CDR2L: variants seen among roughly 807,000 people sequenced by gnomAD.
The protein encoded by CDR2L is cerebellar degeneration-related protein 2-like.
Under a neutral mutation model 36.1 loss-of-function variants are expected in CDR2L, and 19 were observed. The ratio of observed to expected loss-of-function variants is 0.53; its 90% CI spans 0.37 to 0.77. CDR2L has a LOEUF of 0.77. CDR2L is among the 30% of genes least tolerant of loss of function. The pLI, the probability that CDR2L is intolerant of heterozygous loss-of-function variation, is 0.00. For synonymous variants in CDR2L, 285 were observed against 280.4 expected, an observed-to-expected ratio of 1.02 and a Z score of -0.16; for missense variants, 575 against 627.2, an observed-to-expected ratio of 0.92 and a Z score of 0.89.
intron 1 of CDR2L, among the ~76,000 whole-genome samples, chr17:74,997,076 CTTTCTTTCTTT>C (rs1567974346): frequency 6.0e-4 from 2 of 3,352 alleles, no homozygotes; most frequent in African/African-American, 7.8e-4. Context: ...TTCTTTCTTT[CTTTCTTTCTTT>C]TTTTTTTTTG....
Position 74,989,899 on chromosome 17 carries a change from G to A in CDR2L, c.79+1777G>A, listed in dbSNP as rs1223254550. 1.3e-5 allele frequency among the ~76,000 whole-genome samples: 2 copies of A among 152,072 alleles called. No individual in the cohort carries two copies. Among genetic ancestry groups the A allele is most frequent in the Admixed American group, 6.5e-5 (1 of 15,272 alleles). On this transcript the variant is annotated intron_variant, in intron 1 of 4. Coordinates refer to ENST00000337231, the MANE Select transcript of CDR2L (RefSeq NM_014603.3). This position sits in a 1 kb window ranked among gnomAD's most constrained non-coding sequence, Gnocchi z 4.2. ...GATGATCCACCCGCCTTGGCCTCCC[G>A]AAGTGCTGGGATTACAGGCGTGAGC... is the stretch of plus-strand genomic sequence containing the variant.
rs568603480 is a variant in CDR2L at position 75,000,589 on chromosome 17, C to T, written c.193-752C>T. On this transcript the variant is annotated intron_variant, in intron 2 of 4. Coordinates refer to ENST00000337231, the MANE Select transcript of CDR2L (RefSeq NM_014603.3). ...CTGAGATTACAGGTGTGAGCCATCA[C>T]GCCGGGCATAAAAAAGATTTTAGAA... Among the ~76,000 whole-genome samples, 8 of 140,658 alleles carry T rather than the reference C, an allele frequency of 5.7e-5. No individual in the cohort carries two copies. The South Asian group carries it at 1.9e-3, about 34-fold the overall frequency. The allele number at this position is 140,658 out of a possible 152,430, so 92.3% of individuals were successfully genotyped here. A position where few individuals can be genotyped will look rare whatever the true frequency, so the allele number is the denominator to read the frequency against.
Position 74,988,230 on chromosome 17 carries a change from G to C in CDR2L, c.79+108G>C. 4.0e-6 allele frequency: 3 copies of C among 752,486 alleles called. No individual in the cohort carries two copies. In the South Asian group the frequency reaches 7.2e-5, roughly 18 times the overall value. The allele number at this position is 752,486 out of a possible 1,614,324, so 46.6% of individuals were successfully genotyped here. A position where few individuals can be genotyped will look rare whatever the true frequency, so the allele number is the denominator to read the frequency against. On this transcript the variant is annotated intron_variant, in intron 1 of 4. Transcript: ENST00000337231. ...CCCGGGAGGGGCTGGGCTGGACCGG[G>C]CGCGCCCGACTCGGAGGAGGGACGC...
Position 75,004,109 on chromosome 17 carries a change from AGCCGTGGGGTCCCTCAG to A in CDR2L, c.*39_*55del, listed in dbSNP as rs550959979. 250 of 1,554,970 alleles carry A rather than the reference AGCCGTGGGGTCCCTCAG, an allele frequency of 1.6e-4. 6 individuals are homozygous for A. In the South Asian group the frequency reaches 2.0e-3, roughly 12 times the overall value. Reference sequence around the variant, plus strand: ...GGCCTGCAGCCTCCCCCAGGGTGGAAGCCGTGGGGTCCCTCAGGCCTGGGCGGTGCAGCTTCCAGAGA... The same window carrying A: ...GGCCTGCAGCCTCCCCCAGGGTGGAAGCCTGGGCGGTGCAGCTTCCAGAGA... On this transcript the variant is annotated 3_prime_UTR_variant, in exon 5 of 5. Transcript: ENST00000337231.
intron 2 of CDR2L, 75 bp from the exon 3 acceptor site, chr17:75,001,266 A>AAGG: frequency 8.7e-7 from 1 of 1,150,692 alleles, no homozygotes; most frequent in South Asian, 1.9e-5. Flanking sequence ...ACAAAAAAAG[A>AAGG]AGTAGGAGGG....
At chr17:74,999,450 C>G in intron 1 of CDR2L, 54 bp from the exon 2 acceptor site, 1 of 1,250,680 alleles carries the variant, frequency 8.0e-7, no homozygotes, top group African/African-American at 1.5e-5. Flanking sequence ...ATGCTCGGAA[C>G]ATGAATGGGC....
intron 1 of CDR2L, among the ~76,000 whole-genome samples, chr17:74,991,541 C>A (rs1218626494): frequency 6.6e-6 from 1 of 151,582 alleles, no homozygotes; most frequent in East Asian, 1.9e-4. Context: ...CACAGTGAAA[C>A]CCCGTCTCTA....
intron 1 of CDR2L, among the ~76,000 whole-genome samples, chr17:74,990,827 G>A (rs566626913): frequency 3.9e-5 from 6 of 152,234 alleles, no homozygotes; most frequent in Non-Finnish European, 5.9e-5. Context: ...GGGTGTCAAA[G>A]GCCTGTTGCA....
At chr17:75,000,686 G>T (rs556566105) in intron 2 of CDR2L, among the ~76,000 whole-genome samples, 37 of 149,788 alleles carry the variant, frequency 2.5e-4, no homozygotes, top group Non-Finnish European at 4.3e-4. Flanking sequence ...AGGCCAAGGC[G>T]GGCAGATCAC....
chr17:75,001,433 G>C lies in CDR2L; in HGVS notation c.285G>C (p.Glu95Asp), dbSNP rs746714610. 6.2e-6 allele frequency: 10 copies of C among 1,606,258 alleles called. No individual in the cohort carries two copies. Among genetic ancestry groups the C allele is most frequent in the African/African-American group, 1.3e-5 (1 of 74,724 alleles). Residue 95 changes from glutamate (E) to aspartate (D), a missense_variant, in exon 3 of 5, where the codon GAG becomes GAC. Coordinates refer to ENST00000337231, the MANE Select transcript of CDR2L (RefSeq NM_014603.3). ...TGGACCTGACAGCCCGGGACCTGGA[G>C]CTGACCAACCACAGGCTGGTGCTGG... ...EQLDLTARDL[E>D]LTNHRLVLES...
At chr17:74,996,790 G>A (rs1255274878) in intron 1 of CDR2L, among the ~76,000 whole-genome samples, 3 of 152,294 alleles carry the variant, frequency 2.0e-5, no homozygotes, top group African/African-American at 7.2e-5. Context: ...AGGGAAAGAA[G>A]GTTTGAGAGC....
intron 1 of CDR2L, among the ~76,000 whole-genome samples, chr17:74,995,473 T>C (rs114996049): frequency 0.023 from 3,371 of 148,804 alleles, 121 homozygotes; most frequent in African/African-American, 0.079. Flanking sequence ...TGGCCTCTAA[T>C]TTTTAAATCA....
chr17:74,994,616 C>CT (rs998289541), intron 1 of CDR2L, among the ~76,000 whole-genome samples: 38 of 151,456 alleles, frequency 2.5e-4, no homozygotes, highest in Non-Finnish European at 3.2e-4. Context: ...TAGTTTCATT[C>CT]TTTTTTTTTC....
chr17:74,993,004 C>G (rs1327963768), intron 1 of CDR2L, among the ~76,000 whole-genome samples: 2 of 152,194 alleles, frequency 1.3e-5, no homozygotes, highest in African/African-American at 4.8e-5. Flanking sequence ...GCATGTCCTC[C>G]GACACCCACG....
intron 1 of CDR2L, among the ~76,000 whole-genome samples, chr17:74,991,400 T>C (rs1335871110): frequency 2.9e-5 from 3 of 104,534 alleles, no homozygotes; most frequent in African/African-American, 4.4e-5. Flanking sequence ...GAGCAAACTC[T>C]GTCTTTAAAA....
At chr17:74,990,766 C>T (rs1427068942) in intron 1 of CDR2L, among the ~76,000 whole-genome samples, 1 of 152,202 alleles carries the variant, frequency 6.6e-6, no homozygotes, top group Admixed American at 6.5e-5. Context: ...AGGGGCCAGG[C>T]ATGGAGAGCT....
Position 75,004,177 on chromosome 17 carries a change from C to A in CDR2L, c.*103C>A. On this transcript the variant is annotated 3_prime_UTR_variant, in exon 5 of 5. Coordinates refer to ENST00000337231, the MANE Select transcript of CDR2L (RefSeq NM_014603.3). ...GCGAGCGCCCTTTAGCGGCCTGCCA[C>A]CACAGCACGCGGCCTCCTGATCCGG... is the stretch of plus-strand genomic sequence containing the variant. The A allele has an allele frequency of 1.0e-6, 1 of 993,658 alleles. No individual in the cohort carries two copies. The highest frequency in any genetic ancestry group is 1.7e-5 in the South Asian group (1 of 58,622). 61.6% of individuals were successfully genotyped at this position (993,658 alleles called of 1,614,324 possible). A position where few individuals can be genotyped will look rare whatever the true frequency, so the allele number is the denominator to read the frequency against.
chr17:74,996,369 G>A (rs976734849), intron 1 of CDR2L, among the ~76,000 whole-genome samples: 22 of 151,578 alleles, frequency 1.5e-4, no homozygotes, highest in South Asian at 6.3e-4. Context: ...GCTTGAACCC[G>A]GGAGGCGGAG....
In CDR2L at chr17:74,999,496, T is replaced by C. The variant is rs776167902; in HGVS notation, c.80-8T>C. On this transcript the variant is annotated splice_region_variant and splice_polypyrimidine_tract_variant and intron_variant, in intron 1 of 4. Coordinates refer to ENST00000337231, the MANE Select transcript of CDR2L (RefSeq NM_014603.3). ...TTTGTTCTCATGCTCGTGTTTCTCC[T>C]ATCCTAGACTTGCACCTAGCTGCGG... The C allele has an allele frequency of 3.2e-6, 5 of 1,546,122 alleles. No homozygotes were observed. The highest frequency in any genetic ancestry group is 4.4e-6 in the Non-Finnish European group (5 of 1,140,760).
Sources: allele counts gnomAD v4.1 joint callset (sites outside exome capture counted in the v4.1 genomes callset), GRCh38; gene constraint gnomAD v4.1.1; non-coding constraint Gnocchi (gnomAD v3.1); transcripts MANE v1.5; gene names NCBI Gene and HGNC (gene_info 2026-07-23, HGNC 2026-07-21).